ABCC6: variants seen among roughly 807,000 people sequenced by gnomAD.
ABCC6 encodes the protein ATP-binding cassette sub-family C member 6.
A neutral mutation model predicts 169.5 loss-of-function variants in ABCC6; 126 were observed. That is an observed-to-expected ratio of 0.74 (90% CI 0.64 to 0.86). ABCC6 has a LOEUF of 0.86. Ranked by LOEUF, ABCC6 falls within the 40% of genes least tolerant of loss-of-function variation. The probability of loss-of-function intolerance (pLI) is 0.00; values close to 1 mark genes in which losing one functional copy is unlikely to be tolerated. For missense variants in ABCC6, 1,733 were observed against 1,927.2 expected (o/e 0.90, Z 1.89); for synonymous variants, 752 against 814.7 (o/e 0.92, Z 1.31).
intron 21 of ABCC6, among the ~76,000 whole-genome samples, chr16:16,171,914 G>A (rs1385416689): frequency 7.3e-5 from 2 of 27,526 alleles, no homozygotes; most frequent in South Asian, 1.7e-3. Context: ...TGAATGGGTG[G>A]GTGGGTGGGT....
At chr16:16,150,838 C>T (rs1567460816) in intron 29 of ABCC6, 66 bp from the exon 30 acceptor site, 2 of 1,578,484 alleles carry the variant, frequency 1.3e-6, no homozygotes, top group East Asian at 2.3e-5. Context: ...TGTGGGTGTG[C>T]CCAGAAACAG....
chr16:16,160,296 A>G (rs1168079321), intron 25 of ABCC6, among the ~76,000 whole-genome samples: 2 of 152,350 alleles, frequency 1.3e-5, no homozygotes, highest in East Asian at 3.9e-4. Context: ...AATGAGGATA[A>G]TAACAGTGCT....
At position 16,154,933 on chromosome 16, in the gene ABCC6, C is replaced by A; in HGVS notation, c.3981G>T (p.Gly1327=). 6.2e-7 allele frequency: 1 copy of A among 1,601,786 alleles called. No individual in the cohort carries two copies. Among genetic ancestry groups the A allele is most frequent in the Admixed American group, 1.7e-5 (1 of 58,446 alleles). Residue 1327 remains glycine, a synonymous_variant, in exon 28 of 31, where the codon GGG becomes GGT. Coordinates refer to ENST00000205557, the MANE Select transcript of ABCC6 (RefSeq NM_001171.6). ...EAAEGGIWID[G]VPIAHVGLHT... ...GCAGCCCCACGTGGGCAATGGGGAC[C>A]CCGTCGATCCAGATCCCACCCTCAG...
chr16:16,150,378 C>G (rs1410685204), intron 30 of ABCC6, 137 bp from the exon 31 acceptor site: 3 of 1,533,552 alleles, frequency 2.0e-6, no homozygotes, highest in Non-Finnish European at 2.6e-6. Flanking sequence ...GCCCTCACAG[C>G]TGGGTTGGAA....
intron 26 of ABCC6, 44 bp downstream of exon 26, chr16:16,159,438 A>G: frequency 2.2e-6 from 3 of 1,387,792 alleles, no homozygotes; most frequent in Non-Finnish European, 2.0e-6. Context: ...CCCCCCCCAC[A>G]ATATGTCCTT....
chr16:16,187,907 T>TTAAATAAA (rs200447479), intron 13 of ABCC6, among the ~76,000 whole-genome samples: 42 of 86,300 alleles, frequency 4.9e-4, no homozygotes, highest in South Asian at 1.4e-3. Context: ...AATAAATAAA[T>TTAAATAAA]TAAATAAATA....
intron 23 of ABCC6, among the ~76,000 whole-genome samples, chr16:16,163,629 A>C (rs2046794834): frequency 6.6e-6 from 1 of 152,168 alleles, no homozygotes; most frequent in Admixed American, 6.5e-5. Flanking sequence ...CAATGAAGGC[A>C]GTTGGCCAAG....
chr16:16,175,899 T>C lies in ABCC6; in HGVS notation c.2666+12A>G. 4 of 1,614,066 alleles carry C rather than the reference T, an allele frequency of 2.5e-6. No individual in the cohort carries two copies. Among genetic ancestry groups the C allele is most frequent in the South Asian group, 2.2e-5 (2 of 91,084 alleles). ...CTGTGCCCTTCTGAGTGTGGCACCA[T>C]GGTGGACTCACCTCTCGCGTCTAAG... On this transcript the variant is annotated intron_variant, in intron 20 of 30. Coordinates refer to ENST00000205557, the MANE Select transcript of ABCC6 (RefSeq NM_001171.6).
intron 15 of ABCC6, 64 bp downstream of exon 15, chr16:16,184,895 C>CAGG: frequency 6.6e-7 from 1 of 1,524,132 alleles, no homozygotes; most frequent in Non-Finnish European, 9.1e-7. Flanking sequence ...TGGGAGGCAG[C>CAGG]AGGAGCCCCA....
chr16:16,174,917 C>G (rs369642198), intron 20 of ABCC6, among the ~76,000 whole-genome samples: 1 of 151,192 alleles, frequency 6.6e-6, no homozygotes, highest in Admixed American at 6.6e-5. Context: ...CATGCCACCA[C>G]GCCGGCTTTT....
chr16:16,156,017 G>A lies in ABCC6; in HGVS notation c.3883-986C>T, dbSNP rs562396248. Among the ~76,000 whole-genome samples the A allele has an allele frequency of 5.9e-5, 9 of 152,328 alleles. No individual in the cohort carries two copies. In the East Asian group the frequency reaches 1.7e-3, roughly 29 times the overall value. On this transcript the variant is annotated intron_variant, in intron 27 of 30. Coordinates refer to ENST00000205557, the MANE Select transcript of ABCC6 (RefSeq NM_001171.6). Reference sequence around the variant, plus strand: ...TGCAACCTCCACCTCCCAGGTTCAAGCAATTCTCCTGCCTCAGCCTCCCTA... The same window carrying A: ...TGCAACCTCCACCTCCCAGGTTCAAACAATTCTCCTGCCTCAGCCTCCCTA...
rs1224224939 is a variant in ABCC6 at position 16,190,208 on chromosome 16, G to A, written c.1591C>T (p.Leu531Phe). The A allele has an allele frequency of 6.2e-7, 1 of 1,614,026 alleles. No homozygotes were observed. Among genetic ancestry groups the A allele is most frequent in the East Asian group, 2.2e-5 (1 of 44,882 alleles). The stretch of plus-strand genomic sequence containing the variant: ...AAGGACACCAGCGACACAGAGAAGA[G>A]GAGGCCGGAGGTCCGCAAGGCGCCC... ...ELGALRTSGL[L>F]FSVSLVSFQV... Residue 531 changes from leucine (L) to phenylalanine (F), a missense_variant, in exon 12 of 31, where the codon CTC becomes TTC. Physicochemically the swap from Leu to Phe is conservative, Grantham distance 22. Around this residue, in one of 5 missense-constraint regions of ABCC6, gnomAD observed 1,601 missense variants for 1,635.5 expected, o/e 0.98. Transcript: ENST00000205557.
intron 11 of ABCC6, among the ~76,000 whole-genome samples, chr16:16,191,352 G>T (rs1270255435): frequency 6.6e-6 from 1 of 152,080 alleles, no homozygotes; most frequent in Non-Finnish European, 1.5e-5. Context: ...CTGACCTCAG[G>T]TGATCTGCCT....
intron 29 of ABCC6, among the ~76,000 whole-genome samples, chr16:16,152,215 AGTG>A (rs1350716230): frequency 2.0e-5 from 3 of 146,822 alleles, no homozygotes; most frequent in Non-Finnish European, 4.5e-5. Context: ...AAAAAAAAAA[AGTG>A]TGTAGGCTTG....
At chr16:16,156,627 G>A (rs2046559822) in intron 27 of ABCC6, among the ~76,000 whole-genome samples, 2 of 152,152 alleles carry the variant, frequency 1.3e-5, no homozygotes, top group Non-Finnish European at 2.9e-5. Flanking sequence ...GCAGGGGAAT[G>A]ACATGCAGTG....
chr16:16,201,532 C>T lies in ABCC6; in HGVS notation c.1176+469G>A, dbSNP rs370066090. 2.6e-5 allele frequency among the ~76,000 whole-genome samples: 4 copies of T among 151,966 alleles called. No individual in the cohort carries two copies. The East Asian group carries it at 5.8e-4, about 22-fold the overall frequency. ...GGAGAGTGAGCATGGGAGGAGGTGA[C>T]GGGATGAGGTCAGAGACACCCTAGG... On this transcript the variant is annotated intron_variant, in intron 9 of 30. Coordinates refer to ENST00000205557, the MANE Select transcript of ABCC6 (RefSeq NM_001171.6).
intron 7 of ABCC6, among the ~76,000 whole-genome samples, chr16:16,204,877 C>T (rs1389710455): frequency 1.3e-5 from 2 of 151,200 alleles, no homozygotes; most frequent in East Asian, 3.9e-4. Context: ...CTCTTGTCGC[C>T]CAGGCTGGAG....
chr16:16,197,908 C>G, intron 10 of ABCC6, 113 bp downstream of exon 10: 1 of 1,303,352 alleles, frequency 7.7e-7, no homozygotes, highest in Non-Finnish European at 1.1e-6. Context: ...CGGACCTCTT[C>G]CAGCCTCTTG....
Position 16,190,311 on chromosome 16 carries a change from C to T in ABCC6, c.1488G>A (p.Arg496=). Residue 496 remains arginine (R), a synonymous_variant, in exon 12 of 31, where the codon AGG becomes AGA. Coordinates refer to ENST00000205557, the MANE Select transcript of ABCC6 (RefSeq NM_001171.6). ...SRARLTSSIL[R]NSKTIKFHGW... ...CATGGAACTTGATGGTCTTCGAGTT[C>T]CTGAGGATAGAGCTGGTGAGCCGTG... 2 of 1,614,162 alleles carry T rather than the reference C, an allele frequency of 1.2e-6. No individual in the cohort carries two copies. The highest frequency in any genetic ancestry group is 1.7e-6 in the Non-Finnish European group (2 of 1,180,034).
Sources: gnomAD v4.1 joint callset for allele counts (sites outside exome capture counted in the v4.1 genomes callset) on GRCh38, gnomAD v4.1.1 for gene constraint, gnomAD v4.1.1 regional missense constraint, MANE v1.5 for transcripts, NCBI Gene and HGNC (gene_info 2026-07-23, HGNC 2026-07-21) for gene names.